The following STK10 variants were observed in gnomAD, a reference collection of about 807,000 sequenced individuals.
STK10 encodes the protein serine/threonine-protein kinase 10.
A neutral mutation model predicts 113.8 loss-of-function variants in STK10; 78 were observed. The ratio of observed to expected loss-of-function variants is 0.69; its 90% confidence interval spans 0.57 to 0.83. The LOEUF is 0.83. Ranked by LOEUF, STK10 falls within the 40% of genes least tolerant of loss-of-function variation. The probability of loss-of-function intolerance (pLI) is 0.00; values close to 1 mark genes in which losing one functional copy is unlikely to be tolerated. For missense variants in STK10, 1,109 were observed against 1,280.1 expected, an observed-to-expected ratio of 0.87 and a Z score of 2.04; for synonymous variants, 465 against 494.7, an observed-to-expected ratio of 0.94 and a Z score of 0.80.
In STK10 at chr5:172,093,704, C is replaced by A. The variant is rs1400455371; in HGVS notation, c.1262G>T (p.Arg421Ile). 1 of 1,614,232 alleles carries A rather than the reference C, an allele frequency of 6.2e-7. No individual in the cohort carries two copies. The highest frequency in any genetic ancestry group is 1.1e-5 in the South Asian group (1 of 91,088). Reference sequence around the variant, plus strand: ...TTGCTTCTCCTGGGCTACCTGAATTCTGGCATCCATTGACACGGGTCGGGA... The same window carrying A: ...TTGCTTCTCCTGGGCTACCTGAATTATGGCATCCATTGACACGGGTCGGGA... ...RKSRPVSMDA[R>I]IQVAQEKQVA... Residue 421 changes from arginine (R) to isoleucine (I), a missense_variant, in exon 9 of 19, where the codon AGA becomes ATA. Transcript: ENST00000176763. This position sits in a 1 kb window ranked among gnomAD's most constrained non-coding sequence, Gnocchi z 4.1.
At chr5:172,158,302 A>C (rs1770396683) in intron 1 of STK10, among the ~76,000 whole-genome samples, 1 of 152,080 alleles carries the variant, frequency 6.6e-6, no homozygotes, top group South Asian at 2.1e-4. Context: ...AGCTCAAAGC[A>C]AGGACTCAAG....
chr5:172,076,107 C>T (rs1227108258), intron 12 of STK10, among the ~76,000 whole-genome samples: 2 of 150,914 alleles, frequency 1.3e-5, no homozygotes, highest in African/African-American at 4.9e-5. Flanking sequence ...TTCAGCACTA[C>T]TGACCTTGAG....
intron 1 of STK10, among the ~76,000 whole-genome samples, chr5:172,177,712 T>C (rs34781756): frequency 0.36 from 54,747 of 152,138 alleles, 10,454 homozygotes; most frequent in African/African-American, 0.49. Context: ...TCCCTATTTT[T>C]CCTCTGGTTT....
At chr5:172,114,021 G>A (rs771099014) in intron 4 of STK10, among the ~76,000 whole-genome samples, 21 of 152,026 alleles carry the variant, frequency 1.4e-4, no homozygotes, top group Non-Finnish European at 2.5e-4. Context: ...TACACACATC[G>A]TTTATATCTA....
intron 1 of STK10, among the ~76,000 whole-genome samples, chr5:172,169,751 T>C (rs1770632487): frequency 6.6e-6 from 1 of 152,160 alleles, no homozygotes; most frequent in South Asian, 2.1e-4. Flanking sequence ...CCAATAAAGT[T>C]ATTGTTACAG....
rs374073386 is a variant in STK10, at chr5:172,071,066, C to T, written c.1990-6254G>A. ...CTACTAAAAATACAAAAACATTAGC[C>T]GGGTGTGGTGGCACGCACCTGTAAT... On this transcript the variant is annotated intron_variant, in intron 12 of 18. Transcript: ENST00000176763. 1.3e-4 allele frequency among the ~76,000 whole-genome samples: 19 copies of T among 151,034 alleles called. No homozygotes were observed. In the East Asian group the frequency reaches 1.6e-3, roughly 12 times the overall value.
At position 172,122,658 on chromosome 5, in the gene STK10, C is replaced by T. The variant is rs181781208; in HGVS notation, c.370+4715G>A. 7.4e-4 allele frequency among the ~76,000 whole-genome samples: 112 copies of T among 152,322 alleles called. 1 individual carries two copies. The highest frequency in any genetic ancestry group is 2.4e-3 in the African/African-American group (99 of 41,578). On this transcript the variant is annotated intron_variant, in intron 3 of 18. Coordinates refer to ENST00000176763, the MANE Select transcript of STK10 (RefSeq NM_005990.4). ...TTTTGTTTTGAGATGGAGTCTCGCT[C>T]TGTCGCCCAGGCTGGAGTGCAGTGG...
intron 2 of STK10, among the ~76,000 whole-genome samples, chr5:172,132,471 A>G (rs982752930): frequency 2.0e-5 from 3 of 152,030 alleles, no homozygotes; most frequent in African/African-American, 7.3e-5. Flanking sequence ...ACCCGTGATG[A>G]AGGTCCCAGT....
chr5:172,063,897 A>T (rs1427453448), intron 13 of STK10, among the ~76,000 whole-genome samples: 1 of 152,234 alleles, frequency 6.6e-6, no homozygotes, highest in Admixed American at 6.5e-5. Context: ...GAAGCAGAAC[A>T]CACAAAGACC....
chr5:172,158,224 G>A (rs779086837), intron 1 of STK10, among the ~76,000 whole-genome samples: 10 of 151,882 alleles, frequency 6.6e-5, no homozygotes, highest in Non-Finnish European at 1.2e-4. Flanking sequence ...CCAGTTTCTC[G>A]AAAGGTTAAA....
At chr5:172,145,847 C>T (rs1014721828) in intron 2 of STK10, among the ~76,000 whole-genome samples, 2 of 152,152 alleles carry the variant, frequency 1.3e-5, no homozygotes, top group African/African-American at 4.8e-5. Flanking sequence ...TACAGCACAG[C>T]CATTAGTAGC....
intron 1 of STK10, among the ~76,000 whole-genome samples, chr5:172,174,810 A>G (rs1770731093): frequency 6.6e-6 from 1 of 152,118 alleles, no homozygotes; most frequent in Non-Finnish European, 1.5e-5. Context: ...ATGGTCCGGA[A>G]GCAGAAAGGA....
At chr5:172,144,118 G>A (rs1237044261) in intron 2 of STK10, among the ~76,000 whole-genome samples, 1 of 152,230 alleles carries the variant, frequency 6.6e-6, no homozygotes, top group Admixed American at 6.5e-5. Flanking sequence ...AAATATTCCT[G>A]TTTTACAGAT....
In STK10 at chr5:172,044,747, G is replaced by C; in HGVS notation, c.*135C>G. On this transcript the variant is annotated 3_prime_UTR_variant, in exon 19 of 19. Transcript: ENST00000176763. The surrounding 1 kb of genome is among the most constrained non-coding windows in gnomAD (Gnocchi z 4.5). Reference sequence around the variant, plus strand: ...CAGGTCTATCAGGCACAGTTGGGGTGGCACAGGGCGAGGGGCTGGATTTGA... The same window carrying C: ...CAGGTCTATCAGGCACAGTTGGGGTCGCACAGGGCGAGGGGCTGGATTTGA... 1.4e-6 allele frequency: 2 copies of C among 1,443,828 alleles called. No individual in the cohort carries two copies. Among genetic ancestry groups the C allele is most frequent in the Admixed American group, 1.7e-5 (1 of 57,890 alleles). 89.4% of individuals were successfully genotyped at this position (1,443,828 alleles called of 1,614,324 possible).
intron 18 of STK10, among the ~76,000 whole-genome samples, chr5:172,046,085 T>C (rs1767487980): frequency 6.6e-6 from 1 of 151,398 alleles, no homozygotes; most frequent in African/African-American, 2.4e-5. Flanking sequence ...ACAGGCCAGG[T>C]GCGGTGTCTC....
In STK10 at chr5:172,150,911, C is replaced by G. The variant is rs560759041; in HGVS notation, c.321+5713G>C. On this transcript the variant is annotated intron_variant, in intron 2 of 18. Transcript: ENST00000176763. The stretch of plus-strand genomic sequence containing the variant: ...TTCCTCATCAGGAAGTCTTAGGGAG[C>G]GTTCTTGGGCTGGGCCACCCCAAAG... 9.2e-5 allele frequency among the ~76,000 whole-genome samples: 14 copies of G among 152,332 alleles called. 1 individual carries two copies. Among genetic ancestry groups the G allele is most frequent in the African/African-American group, 3.1e-4 (13 of 41,582 alleles).
Position 172,071,341 on chromosome 5 carries a change from C to CAAAAAAA in STK10, c.1990-6536_1990-6530dup, listed in dbSNP as rs58271522. On this transcript the variant is annotated intron_variant, in intron 12 of 18. Coordinates refer to ENST00000176763, the MANE Select transcript of STK10 (RefSeq NM_005990.4). Reference sequence around the variant, plus strand: ...ACTAAAACTGAGGCAGGATAGGTAGCAAAAAAAAAAAAAAAAAAAAAATGA... The same window carrying CAAAAAAA: ...ACTAAAACTGAGGCAGGATAGGTAGCAAAAAAAAAAAAAAAAAAAAAAAAAAAAATGA... 3.7e-5 allele frequency among the ~76,000 whole-genome samples: 2 copies of CAAAAAAA among 53,878 alleles called. 1 individual carries two copies. The highest frequency in any genetic ancestry group is 1.5e-4 in the African/African-American group (2 of 12,996). The allele number at this position is 53,878 out of a possible 152,430, so 35.3% of individuals were successfully genotyped here.
rs1425337623 is a variant in STK10 at position 172,044,302 on chromosome 5, C to T, written c.*580G>A. 1.3e-5 allele frequency: 2 copies of T among 155,108 alleles called. No homozygotes were observed. The allele number at this position is 155,108 out of a possible 1,614,324, so 9.6% of individuals were successfully genotyped here. A position where few individuals can be genotyped will look rare whatever the true frequency, so the allele number is the denominator to read the frequency against. On this transcript the variant is annotated 3_prime_UTR_variant, in exon 19 of 19. Coordinates refer to ENST00000176763, the MANE Select transcript of STK10 (RefSeq NM_005990.4). This position sits in a 1 kb window ranked among gnomAD's most constrained non-coding sequence, Gnocchi z 4.5. ...CTCTTTCCCCGGTCCCCGCCCCCCA[C>T]ATAGACAAGGCTTTGTCTTAAGTGG...
At chr5:172,127,269 G>C in intron 3 of STK10, 104 bp downstream of exon 3, 2 of 1,260,184 alleles carry the variant, frequency 1.6e-6, no homozygotes, top group Non-Finnish European at 2.3e-6. Context: ...GATGGAATGG[G>C]AGAGTGGAGG....
Sources: gnomAD v4.1 joint callset for allele counts (sites outside exome capture counted in the v4.1 genomes callset) on GRCh38, gnomAD v4.1.1 for gene constraint, Gnocchi (gnomAD v3.1) non-coding constraint, MANE v1.5 for transcripts, NCBI Gene and HGNC (gene_info 2026-07-23, HGNC 2026-07-21) for gene names.